CC2D2A: variants seen among roughly 807,000 people sequenced by gnomAD.
The protein encoded by CC2D2A is coiled-coil and C2 domain-containing protein 2A.
A neutral mutation model predicts 212.9 loss-of-function variants in CC2D2A; 155 were observed. The observed-to-expected ratio is 0.73, with a 90% CI of 0.64 to 0.83. The LOEUF (loss-of-function observed/expected upper bound fraction) is 0.83, where lower values mean the gene tolerates loss of function less well. CC2D2A is among the 40% of genes least tolerant of loss of function. The pLI, the probability that CC2D2A is intolerant of heterozygous loss-of-function variation, is 0.00. For synonymous variants in CC2D2A, 667 were observed against 686.5 expected, an observed-to-expected ratio of 0.97 and a Z score of 0.44; for missense variants, 1,856 against 1,956.2, an observed-to-expected ratio of 0.95 and a Z score of 0.97.
At position 15,599,169 on chromosome 4, in the gene CC2D2A, A is replaced by G. The variant is rs754708232; in HGVS notation, c.4497-360A>G. On this transcript the variant is annotated intron_variant, in intron 35 of 36. Transcript: ENST00000424120. The stretch of plus-strand genomic sequence containing the variant: ...GAGCAAGATCCTGCCTTTAAAAAAA[A>G]TTAGTAATAATAAACTTTTGCTGCA... 2.0e-5 allele frequency among the ~76,000 whole-genome samples: 3 copies of G among 152,262 alleles called. No individual in the cohort carries two copies. In the South Asian group the frequency reaches 6.2e-4, roughly 32 times the overall value.
chr4:15,551,779 T>C (rs1267561322), intron 18 of CC2D2A, among the ~76,000 whole-genome samples: 3 of 152,318 alleles, frequency 2.0e-5, no homozygotes, highest in African/African-American at 7.2e-5. Context: ...TATCTACTTA[T>C]TGGTCTGATT....
At chr4:15,494,008 A>G (rs1715465129) in intron 4 of CC2D2A, among the ~76,000 whole-genome samples, 5 of 152,190 alleles carry the variant, frequency 3.3e-5, no homozygotes. Context: ...AGCATTTCTC[A>G]TGCAGTTCTT....
intron 28 of CC2D2A, among the ~76,000 whole-genome samples, chr4:15,570,874 C>T (rs1222713155): frequency 2.0e-5 from 3 of 151,824 alleles, no homozygotes; most frequent in Non-Finnish European, 4.4e-5. Flanking sequence ...GGTGAGAGGG[C>T]GAGACTCCAT....
intron 6 of CC2D2A, among the ~76,000 whole-genome samples, chr4:15,507,797 C>T (rs915013536): frequency 2.6e-5 from 4 of 152,122 alleles, no homozygotes; most frequent in Admixed American, 6.5e-5. Context: ...CTGTTGGGCC[C>T]GCAGAGCAGA....
At position 15,510,133 on chromosome 4, in the gene CC2D2A, A is replaced by G; in HGVS notation, c.439-6A>G. Reference sequence around the variant, plus strand: ...GTTTATCTATCATTTTTTTCCACTCATATAGCCAGGGAAAGAGGTAGAAAG... The same window carrying G: ...GTTTATCTATCATTTTTTTCCACTCGTATAGCCAGGGAAAGAGGTAGAAAG... On this transcript the variant is annotated splice_polypyrimidine_tract_variant and splice_region_variant and intron_variant, in intron 6 of 36. Transcript: ENST00000424120. The G allele has an allele frequency of 6.2e-7, 1 of 1,606,784 alleles. No homozygotes were observed. The highest frequency in any genetic ancestry group is 1.1e-5 in the South Asian group (1 of 90,650).
At chr4:15,561,000 T>C (rs1487765665) in intron 23 of CC2D2A, among the ~76,000 whole-genome samples, 2 of 152,210 alleles carry the variant, frequency 1.3e-5, no homozygotes, top group African/African-American at 4.8e-5. Context: ...TCCTGTCGCA[T>C]GGCAGTAGAG....
chr4:15,559,901 A>G (rs1019853545), intron 22 of CC2D2A, among the ~76,000 whole-genome samples: 2 of 151,988 alleles, frequency 1.3e-5, no homozygotes, highest in Admixed American at 1.3e-4. Flanking sequence ...GTGTGATCTC[A>G]GTTCACTCTA....
Position 15,550,973 on chromosome 4 carries a change from T to G in CC2D2A, c.2331T>G (p.Val777=). The G allele has an allele frequency of 6.3e-7, 1 of 1,592,634 alleles. No homozygotes were observed. The highest frequency in any genetic ancestry group is 8.6e-7 in the Non-Finnish European group (1 of 1,163,394). Reference sequence around the variant, plus strand: ...ATGTGACACTGGACCACGAGGGAGTTGGAAGTGGTATGGAAAGCTAATATC... The same window carrying G: ...ATGTGACACTGGACCACGAGGGAGTGGGAAGTGGTATGGAAAGCTAATATC... The part of the protein sequence containing the change: ...NQHVTLDHEG[V]GSGVPFSFEA... Residue 777 remains valine, a synonymous_variant, in exon 18 of 37, where the codon GTT becomes GTG. Transcript: ENST00000424120.
chr4:15,480,835 C>T lies in CC2D2A; in HGVS notation c.247+8C>T, dbSNP rs1279815589. On this transcript the variant is annotated splice_region_variant and intron_variant, in intron 4 of 36. Transcript: ENST00000424120. Reference sequence around the variant, plus strand: ...TCCGGAGAGGCCCACGGAGTAAGTGCCCCTCTTCCATTCAGCTACTGCTTG... The same window carrying T: ...TCCGGAGAGGCCCACGGAGTAAGTGTCCCTCTTCCATTCAGCTACTGCTTG... The T allele has an allele frequency of 1.9e-6, 3 of 1,609,242 alleles. No homozygotes were observed. The highest frequency in any genetic ancestry group is 2.5e-6 in the Non-Finnish European group (3 of 1,177,360).
intron 29 of CC2D2A, among the ~76,000 whole-genome samples, chr4:15,575,105 G>A (rs1160514767): frequency 6.6e-6 from 1 of 152,166 alleles, no homozygotes; most frequent in African/African-American, 2.4e-5. Context: ...CATTGGATTT[G>A]GGAGAATATA....
chr4:15,547,455 C>T (rs529559790), intron 17 of CC2D2A, among the ~76,000 whole-genome samples: 1 of 152,240 alleles, frequency 6.6e-6, no homozygotes, highest in South Asian at 2.1e-4. Context: ...CTTCATCCTC[C>T]TCCTCTACCT....
chr4:15,579,852 AAG>A, intron 29 of CC2D2A, 114 bp from the exon 30 acceptor site: 1 of 771,146 alleles, frequency 1.3e-6, no homozygotes, highest in Non-Finnish European at 2.2e-6. Context: ...ACAGCTTTGT[AAG>A]GAGTCAGTCA....
chr4:15,484,718 T>C (rs1714901221), intron 4 of CC2D2A, among the ~76,000 whole-genome samples: 1 of 152,190 alleles, frequency 6.6e-6, no homozygotes. Context: ...GTAACTCCAC[T>C]TTCCCCAATA....
rs1720520614 is a variant in CC2D2A at position 15,578,804 on chromosome 4, GTTTGTTTGTTTGT to G, written c.3772-1160_3772-1148del. ...CTACACCTGGTTTGTTTGTTTGTTT[GTTTGTTTGTTTGT>G]TTTTAATAGAGACAGGGTCCCATTA... On this transcript the variant is annotated intron_variant, in intron 29 of 36. Transcript: ENST00000424120. Among the ~76,000 whole-genome samples, 3 of 105,594 alleles carry G rather than the reference GTTTGTTTGTTTGT, an allele frequency of 2.8e-5. No homozygotes were observed. In the South Asian group the frequency reaches 8.7e-4, roughly 31 times the overall value. 69.3% of individuals were successfully genotyped at this position (105,594 alleles called of 152,430 possible).
chr4:15,477,280 C>T (rs370928411), intron 2 of CC2D2A, among the ~76,000 whole-genome samples: 5 of 144,516 alleles, frequency 3.5e-5, no homozygotes, highest in Non-Finnish European at 6.0e-5. Flanking sequence ...CCAGCCTGGG[C>T]GACAGAATAA....
intron 24 of CC2D2A, among the ~76,000 whole-genome samples, chr4:15,564,877 AT>A (rs1031113131): frequency 4.0e-5 from 6 of 151,544 alleles, no homozygotes; most frequent in African/African-American, 1.5e-4. Flanking sequence ...GGCTGTCCCC[AT>A]TTTGCCCAGG....
chr4:15,576,920 G>C (rs555678972), intron 29 of CC2D2A, among the ~76,000 whole-genome samples: 1 of 152,346 alleles, frequency 6.6e-6, no homozygotes, highest in Non-Finnish European at 1.5e-5. Flanking sequence ...AAACCCACGA[G>C]CTGCTTCTTA....
intron 20 of CC2D2A, among the ~76,000 whole-genome samples, chr4:15,555,902 T>C (rs183987321): frequency 1.3e-5 from 2 of 152,340 alleles, no homozygotes; most frequent in African/African-American, 4.8e-5. Flanking sequence ...CGTTATTTGC[T>C]TAAGGTCACT....
At chr4:15,483,448 A>T (rs1386292858) in intron 4 of CC2D2A, among the ~76,000 whole-genome samples, 1 of 152,218 alleles carries the variant, frequency 6.6e-6, no homozygotes, top group Non-Finnish European at 1.5e-5. Flanking sequence ...TTTATGACCC[A>T]GTCATAGAAA....
Sources: gnomAD v4.1 joint callset for allele counts (sites outside exome capture counted in the v4.1 genomes callset) on GRCh38, gnomAD v4.1.1 for gene constraint, MANE v1.5 for transcripts, NCBI Gene and HGNC (gene_info 2026-07-23, HGNC 2026-07-21) for gene names.